The following HTR1F variants were observed in gnomAD, a reference collection of about 807,000 sequenced individuals.
HTR1F encodes 5-hydroxytryptamine (serotonin) receptor 1F, G protein-coupled.
HTR1F carries 17 observed loss-of-function variants against 24.0 expected under a neutral mutation model. The ratio of observed to expected loss-of-function variants is 0.71; its 90% CI spans 0.48 to 1.06. The LOEUF is 1.06. Among genes scored for constraint, HTR1F ranks in the 50% least tolerant of loss-of-function variants. HTR1F has a pLI of 0.00. For missense variants in HTR1F, 391 were observed against 427.8 expected (o/e 0.91, Z 0.76); for synonymous variants, 186 against 156.8 (o/e 1.19, Z -1.39).
At chr3:87,836,782 G>A (rs1034190838) in intron 2 of HTR1F, among the ~76,000 whole-genome samples, 1 of 151,898 alleles carries the variant, frequency 6.6e-6, no homozygotes, top group Admixed American at 6.6e-5. Flanking sequence ...AGAGAGTTTG[G>A]GTGAAACATT....
intron 2 of HTR1F, among the ~76,000 whole-genome samples, chr3:87,826,829 G>C (rs571392737): frequency 1.3e-5 from 2 of 151,986 alleles, no homozygotes; most frequent in Non-Finnish European, 2.9e-5. Flanking sequence ...TATTATTTTG[G>C]GGACAGGGTC....
At chr3:87,853,040 C>A (rs1705122671) in intron 2 of HTR1F, among the ~76,000 whole-genome samples, 1 of 150,110 alleles carries the variant, frequency 6.7e-6, no homozygotes, top group Non-Finnish European at 1.5e-5. Flanking sequence ...CAATTCCTCT[C>A]GATAGATTTT....
chr3:87,917,424 G>A (rs1703918484), intron 2 of HTR1F, among the ~76,000 whole-genome samples: 1 of 149,098 alleles, frequency 6.7e-6, no homozygotes, highest in Non-Finnish European at 1.5e-5. Flanking sequence ...GAAACAAGAA[G>A]CTGGTTCTTT....
chr3:87,910,090 A>T (rs1046129559), intron 2 of HTR1F: 2 of 151,996 alleles, frequency 1.3e-5, no homozygotes, highest in African/African-American at 4.8e-5. Context: ...ATCTAATCTT[A>T]TCCCTTCTTA....
intron 2 of HTR1F, among the ~76,000 whole-genome samples, chr3:87,914,893 A>T (rs1223829161): frequency 6.6e-6 from 1 of 152,082 alleles, no homozygotes; most frequent in African/African-American, 2.4e-5. Context: ...AGCCAGCACA[A>T]AAATAGAACA....
intron 2 of HTR1F, among the ~76,000 whole-genome samples, chr3:87,888,000 C>T (rs1443985934): frequency 6.6e-6 from 1 of 152,168 alleles, no homozygotes; most frequent in African/African-American, 2.4e-5. Context: ...AATCAGGCTA[C>T]TATAAAGACA....
chr3:87,882,944 C>A (rs1163666738), intron 2 of HTR1F, among the ~76,000 whole-genome samples: 1 of 152,174 alleles, frequency 6.6e-6, no homozygotes, highest in Non-Finnish European at 1.5e-5. Context: ...CTGAAGAGAA[C>A]AGTGGTCCTC....
intron 2 of HTR1F, among the ~76,000 whole-genome samples, chr3:87,849,709 T>C (rs1298841411): frequency 6.6e-6 from 1 of 151,890 alleles, no homozygotes; most frequent in Non-Finnish European, 1.5e-5. Flanking sequence ...AATCTACTCA[T>C]CTGACAAAGG....
intron 2 of HTR1F, among the ~76,000 whole-genome samples, chr3:87,914,927 C>T (rs1318953311): frequency 6.6e-6 from 1 of 152,112 alleles, no homozygotes; most frequent in Non-Finnish European, 1.5e-5. Flanking sequence ...GCTAAGAACC[C>T]TCACAGAGTC....
At chr3:87,917,994 A>G (rs1354820675) in intron 2 of HTR1F, among the ~76,000 whole-genome samples, 1 of 152,016 alleles carries the variant, frequency 6.6e-6, no homozygotes, top group Non-Finnish European at 1.5e-5. Context: ...TAACGAATCC[A>G]ACAACATATC....
At position 87,992,917 on chromosome 3, in the gene HTR1F, C is replaced by T. The variant is rs1301446506; in HGVS notation, c.*1067C>T. 1 of 166,774 alleles carries T rather than the reference C, an allele frequency of 6.0e-6. No homozygotes were observed. The highest frequency in any genetic ancestry group is 2.4e-5 in the African/African-American group (1 of 41,392). 10.3% of individuals were successfully genotyped at this position (166,774 alleles called of 1,614,324 possible). On this transcript the variant is annotated 3_prime_UTR_variant, in exon 3 of 3. Coordinates refer to ENST00000319595, the MANE Select transcript of HTR1F (RefSeq NM_001322209.2). ...TGGTAGAAATGAACAGGAAAAAAGACTCATATTACACTAATTAATAAATGT... is the reference window on the plus strand; with the variant it reads ...TGGTAGAAATGAACAGGAAAAAAGATTCATATTACACTAATTAATAAATGT...
chr3:87,959,278 G>C (rs1280674982), intron 2 of HTR1F, among the ~76,000 whole-genome samples: 1 of 151,688 alleles, frequency 6.6e-6, no homozygotes, highest in Non-Finnish European at 1.5e-5. Context: ...AGTATTATTA[G>C]GAGTTTAATG....
intron 2 of HTR1F, among the ~76,000 whole-genome samples, chr3:87,933,874 A>T (rs1704347456): frequency 6.6e-6 from 1 of 152,210 alleles, no homozygotes; most frequent in African/African-American, 2.4e-5. Flanking sequence ...CATGGGCAGT[A>T]GCATGCTCTG....
intron 2 of HTR1F, among the ~76,000 whole-genome samples, chr3:87,922,811 C>G (rs1286806030): frequency 6.6e-6 from 1 of 150,574 alleles, no homozygotes; most frequent in Non-Finnish European, 1.5e-5. Flanking sequence ...GAGTATTTAT[C>G]TGTCCATTGG....
chr3:87,956,992 G>A (rs1232016430), intron 2 of HTR1F, among the ~76,000 whole-genome samples: 1 of 151,092 alleles, frequency 6.6e-6, no homozygotes, highest in African/African-American at 2.4e-5. Flanking sequence ...GACATACAAT[G>A]CTGAATAGAA....
chr3:87,958,126 T>C (rs746447783), intron 2 of HTR1F, among the ~76,000 whole-genome samples: 5 of 151,618 alleles, frequency 3.3e-5, no homozygotes, highest in Admixed American at 6.6e-5. Flanking sequence ...TAATTTTTTA[T>C]TGGAGTCATG....
intron 1 of HTR1F, among the ~76,000 whole-genome samples, chr3:87,811,639 G>T (rs1403518460): frequency 4.9e-4 from 75 of 152,088 alleles, no homozygotes; most frequent in Non-Finnish European, 4.4e-5. Context: ...GGAGAAAGAG[G>T]AAAAGCCCTG....
intron 2 of HTR1F, among the ~76,000 whole-genome samples, chr3:87,951,400 A>G (rs1460335445): frequency 3.3e-5 from 5 of 152,136 alleles, no homozygotes; most frequent in Non-Finnish European, 5.9e-5. Context: ...AATAAAAACA[A>G]GTAAAATAAG....
chr3:87,938,548 G>T (rs1204697301), intron 2 of HTR1F, among the ~76,000 whole-genome samples: 1 of 152,080 alleles, frequency 6.6e-6, no homozygotes, highest in Non-Finnish European at 1.5e-5. Flanking sequence ...ATACTACAAG[G>T]CTACAGTAAT....
Sources: allele counts gnomAD v4.1 joint callset (sites outside exome capture counted in the v4.1 genomes callset), GRCh38; gene constraint gnomAD v4.1.1; transcripts MANE v1.5; gene names NCBI Gene and HGNC (gene_info 2026-07-23, HGNC 2026-07-21).